CDYL2: variants seen among roughly 807,000 people sequenced by gnomAD.
CDYL2 encodes the protein chromodomain Y-like protein 2.
A neutral mutation model predicts 49.4 loss-of-function variants in CDYL2; 23 were observed. That is an observed-to-expected ratio of 0.47 (90% CI 0.34 to 0.66). The LOEUF (loss-of-function observed/expected upper bound fraction) is 0.66, where lower values mean the gene tolerates loss of function less well. Ranked by LOEUF, CDYL2 falls within the 30% of genes least tolerant of loss-of-function variation. The pLI is 0.01. For synonymous variants in CDYL2, 360 were observed against 268.8 expected, an observed-to-expected ratio of 1.34 and a Z score of -3.32; for missense variants, 678 against 656.4, an observed-to-expected ratio of 1.03 and a Z score of -0.36.
intron 1 of CDYL2, among the ~76,000 whole-genome samples, chr16:80,757,553 A>AT (rs201163216): frequency 0.022 from 3,219 of 143,526 alleles, 36 homozygotes; most frequent in Middle Eastern, 0.043. Context: ...AAAAAAAAAA[A>AT]ATATATATAT....
At chr16:80,669,824 G>A (rs1035581972) in intron 2 of CDYL2, among the ~76,000 whole-genome samples, 1 of 152,180 alleles carries the variant, frequency 6.6e-6, no homozygotes, top group African/African-American at 2.4e-5. Context: ...TGCACACATG[G>A]GCTGTGGTGA....
chr16:80,713,527 A>C (rs569208954), intron 1 of CDYL2, among the ~76,000 whole-genome samples: 59 of 152,266 alleles, frequency 3.9e-4, no homozygotes, highest in Middle Eastern at 3.4e-3. Context: ...ATGAGCTCTA[A>C]TCAAAGATTC....
rs188557264 is a variant in CDYL2 at position 80,732,857 on chromosome 16, C to G, written c.25-47728G>C. On this transcript the variant is annotated intron_variant, in intron 1 of 6. Coordinates refer to ENST00000570137, the MANE Select transcript of CDYL2 (RefSeq NM_152342.4). ...ATTTTCTTTGGATTGGTTATAACCT[C>G]TCTAAACAAGGGTCAAGTTGGGAAA... 3.3e-3 allele frequency among the ~76,000 whole-genome samples: 464 copies of G among 139,438 alleles called. 1 individual carries two copies. The highest frequency in any genetic ancestry group is 0.011 in the African/African-American group (445 of 41,114). 91.5% of individuals were successfully genotyped at this position (139,438 alleles called of 152,430 possible). A position where few individuals can be genotyped will look rare whatever the true frequency, so the allele number is the denominator to read the frequency against.
At chr16:80,627,010 C>T (rs1907334456) in intron 3 of CDYL2, among the ~76,000 whole-genome samples, 1 of 152,136 alleles carries the variant, frequency 6.6e-6, no homozygotes, top group African/African-American at 2.4e-5. Flanking sequence ...CCATCCTTTA[C>T]TTTCTCCTAC....
intron 1 of CDYL2, among the ~76,000 whole-genome samples, chr16:80,705,243 CT>C (rs1472309664): frequency 6.6e-6 from 1 of 152,228 alleles, no homozygotes; most frequent in East Asian, 1.9e-4. Flanking sequence ...CTGGTTCTCC[CT>C]TTGCAGTCTT....
intron 1 of CDYL2, among the ~76,000 whole-genome samples, chr16:80,757,111 G>A (rs1341970945): frequency 6.6e-6 from 1 of 152,100 alleles, no homozygotes; most frequent in Non-Finnish European, 1.5e-5. Flanking sequence ...AGAAATAAGA[G>A]CTTCAATTAC....
intron 1 of CDYL2, among the ~76,000 whole-genome samples, chr16:80,737,908 G>A (rs933122750): frequency 6.6e-5 from 10 of 152,136 alleles, no homozygotes; most frequent in Admixed American, 3.9e-4. Flanking sequence ...TGGGTTACAT[G>A]TGCAGAACGT....
At chr16:80,770,797 T>C (rs1239905159) in intron 1 of CDYL2, among the ~76,000 whole-genome samples, 1 of 152,162 alleles carries the variant, frequency 6.6e-6, no homozygotes, top group Non-Finnish European at 1.5e-5. Flanking sequence ...AGGGAAAAGA[T>C]TAGACACAAC....
rs1230466980 is a variant in CDYL2, at chr16:80,684,603, T to C, written c.551A>G (p.His184Arg). 2 of 1,614,060 alleles carry C rather than the reference T, an allele frequency of 1.2e-6. No individual in the cohort carries two copies. Among genetic ancestry groups the C allele is most frequent in the Non-Finnish European group, 8.5e-7 (1 of 1,180,034 alleles). ...TTCACCCATATCTTGCTCTCCAACA[T>C]GATCATTCAAATCCAAGCCAGGCTG... The part of the protein sequence containing the change: ...SHQPGLDLND[H>R]VGEQDMGECD... Residue 184 changes from histidine (H) to arginine (R), a missense_variant, in exon 2 of 7, where the codon CAT becomes CGT. Around this residue, in one of 3 missense-constraint regions of CDYL2, gnomAD observed 478 missense variants for 427.0 expected, o/e 1.12. Transcript: ENST00000570137.
intron 2 of CDYL2, among the ~76,000 whole-genome samples, chr16:80,664,442 C>G (rs1379848582): frequency 6.6e-6 from 1 of 152,312 alleles, no homozygotes; most frequent in Non-Finnish European, 1.5e-5. Context: ...CCTGAGTTCG[C>G]ATGCTCAGCT....
chr16:80,644,142 C>G (rs1908229380), intron 2 of CDYL2, among the ~76,000 whole-genome samples: 2 of 152,226 alleles, frequency 1.3e-5, no homozygotes, highest in African/African-American at 4.8e-5. Context: ...TCATCTCTCT[C>G]AAGTTCAAAG....
intron 4 of CDYL2, among the ~76,000 whole-genome samples, chr16:80,620,017 G>T (rs1010298155): frequency 6.6e-6 from 1 of 152,146 alleles, no homozygotes; most frequent in Non-Finnish European, 1.5e-5. Context: ...TGTGACCAGG[G>T]GCATTCCTGA....
intron 1 of CDYL2, among the ~76,000 whole-genome samples, chr16:80,722,036 G>C (rs77599766): frequency 2.0e-5 from 3 of 152,310 alleles, no homozygotes; most frequent in African/African-American, 4.8e-5. Flanking sequence ...CAGGAGCTGA[G>C]AGAATGTCTA....
At chr16:80,626,889 A>G (rs1402241595) in intron 3 of CDYL2, among the ~76,000 whole-genome samples, 1 of 152,202 alleles carries the variant, frequency 6.6e-6, no homozygotes, top group East Asian at 1.9e-4. Context: ...AAGGTAGGAG[A>G]TGGTATCTCA....
chr16:80,712,187 G>GTATATATATATACA (rs1464649825), intron 1 of CDYL2, among the ~76,000 whole-genome samples: 543 of 38,092 alleles, frequency 0.014, 10 homozygotes, highest in African/African-American at 0.067. Context: ...TTGTGTCTGT[G>GTATATATATATACA]TGTGTATATA....
intron 1 of CDYL2, among the ~76,000 whole-genome samples, chr16:80,769,843 A>C (rs1014704131): frequency 1.3e-5 from 2 of 152,254 alleles, no homozygotes; most frequent in African/African-American, 4.8e-5. Flanking sequence ...ACTAAAAACA[A>C]AATCAGACTT....
intron 4 of CDYL2, among the ~76,000 whole-genome samples, chr16:80,617,576 C>G (rs1467692756): frequency 6.6e-6 from 1 of 152,192 alleles, no homozygotes; most frequent in Non-Finnish European, 1.5e-5. Context: ...CAGAGTGTGG[C>G]CTCCAAGGCA....
chr16:80,719,595 G>A (rs193038525), intron 1 of CDYL2, among the ~76,000 whole-genome samples: 74 of 152,260 alleles, frequency 4.9e-4, no homozygotes, highest in Middle Eastern at 6.8e-3. Context: ...ATGGGGCCTA[G>A]CCAACAACTT....
chr16:80,663,287 T>C lies in CDYL2; in HGVS notation c.616+21251A>G, dbSNP rs1185888062. On this transcript the variant is annotated intron_variant, in intron 2 of 6. Transcript: ENST00000570137. ...TCATCAATCATGTCAGGAGGTGAGGTGGAGGGGAGAGTTAAATAAAAGAGA... is the reference window on the plus strand; with the variant it reads ...TCATCAATCATGTCAGGAGGTGAGGCGGAGGGGAGAGTTAAATAAAAGAGA... Among the ~76,000 whole-genome samples the C allele has an allele frequency of 2.6e-5, 4 of 151,076 alleles. No individual in the cohort carries two copies. The East Asian group carries it at 7.9e-4, about 30-fold the overall frequency.
Sources: allele counts gnomAD v4.1 joint callset (sites outside exome capture counted in the v4.1 genomes callset), GRCh38; gene constraint gnomAD v4.1.1; regional missense constraint gnomAD v4.1.1; transcripts MANE v1.5; gene names NCBI Gene and HGNC (gene_info 2026-07-23, HGNC 2026-07-21).